Variants in BBX observed in about 807,000 individuals in gnomAD.
The protein encoded by BBX is BBX high mobility group box domain containing, also known as HMG box transcription factor BBX.
BBX carries 30 observed loss-of-function variants against 100.2 expected under a neutral mutation model. The observed-to-expected ratio is 0.30, with a 90% CI of 0.22 to 0.41. The LOEUF is 0.41. BBX is among the 10% of genes least tolerant of loss of function. The pLI is 1.00. For synonymous variants in BBX, 376 were observed against 388.1 expected, an observed-to-expected ratio of 0.97 and a Z score of 0.37; for missense variants, 1,023 against 1,129.8, an observed-to-expected ratio of 0.91 and a Z score of 1.35.
chr3:107,806,727 C>CTT lies in BBX; in HGVS notation c.*1270_*1271insTT, dbSNP rs2108079624. On this transcript the variant is annotated 3_prime_UTR_variant, in exon 18 of 18. Coordinates refer to ENST00000325805, the MANE Select transcript of BBX (RefSeq NM_001142568.3). Reference sequence around the variant, plus strand: ...AGAACATTCAACATATTGACTTAACCACCTGACATTCACAGTGTCTTGTTT... The same window carrying CTT: ...AGAACATTCAACATATTGACTTAACCTTACCTGACATTCACAGTGTCTTGTTT... 1 of 152,284 alleles carries CTT rather than the reference C, an allele frequency of 6.6e-6. No individual in the cohort carries two copies. The highest frequency in any genetic ancestry group is 1.9e-4 in the East Asian group (1 of 5,194). The allele number at this position is 152,284 out of a possible 1,614,324, so 9.4% of individuals were successfully genotyped here.
At chr3:107,712,802 C>T (rs1196698173) in intron 4 of BBX, among the ~76,000 whole-genome samples, 1 of 152,174 alleles carries the variant, frequency 6.6e-6, no homozygotes, top group Non-Finnish European at 1.5e-5. Flanking sequence ...GTGCTCACTG[C>T]TCTCTGTGCT....
intron 17 of BBX, 70 bp downstream of exon 17, chr3:107,801,351 C>T (rs941330888): frequency 2.0e-6 from 3 of 1,519,866 alleles, no homozygotes; most frequent in Non-Finnish European, 2.7e-6. Context: ...TGATTTGTGA[C>T]ATTTTTTACA....
At chr3:107,789,919 T>G in intron 14 of BBX, 43 bp downstream of exon 14, 1 of 1,422,204 alleles carries the variant, frequency 7.0e-7, no homozygotes, top group Non-Finnish European at 9.7e-7. Context: ...CTTGGTCACC[T>G]CCATTGTGAT....
chr3:107,788,884 C>T (rs1012622614), intron 13 of BBX, among the ~76,000 whole-genome samples: 8 of 152,152 alleles, frequency 5.3e-5, no homozygotes, highest in African/African-American at 1.9e-4. Context: ...AGAACTAAGG[C>T]AGTAACTGAT....
intron 2 of BBX, among the ~76,000 whole-genome samples, chr3:107,582,688 A>G (rs2052376433): frequency 6.6e-6 from 1 of 152,084 alleles, no homozygotes; most frequent in Non-Finnish European, 1.5e-5. Context: ...TGTTGTATTG[A>G]TGGGAATATA....
At chr3:107,730,336 AG>A in intron 6 of BBX, among the ~76,000 whole-genome samples, 1 of 152,128 alleles carries the variant, frequency 6.6e-6, no homozygotes, top group Non-Finnish European at 1.5e-5. Flanking sequence ...TATCAGTTGG[AG>A]TACTTTCTAA....
At chr3:107,535,389 C>CT (rs1167081743) in intron 2 of BBX, among the ~76,000 whole-genome samples, 1 of 151,906 alleles carries the variant, frequency 6.6e-6, no homozygotes, top group African/African-American at 2.4e-5. Context: ...TTGTCAAAGA[C>CT]TAAGCCTTTG....
At chr3:107,680,632 A>G (rs556094100) in intron 3 of BBX, among the ~76,000 whole-genome samples, 10 of 152,300 alleles carry the variant, frequency 6.6e-5, no homozygotes, top group African/African-American at 1.7e-4. Context: ...GTGTGATTCA[A>G]TTGAATTGCT....
chr3:107,603,792 A>G (rs879931130), intron 2 of BBX, among the ~76,000 whole-genome samples: 5 of 152,194 alleles, frequency 3.3e-5, no homozygotes, highest in African/African-American at 7.2e-5. Context: ...AGCAAAGGGT[A>G]TGACTCACTG....
At chr3:107,777,511 G>T (rs943221992) in intron 12 of BBX, among the ~76,000 whole-genome samples, 6 of 152,086 alleles carry the variant, frequency 3.9e-5, no homozygotes, top group African/African-American at 1.4e-4. Context: ...CACAGCAGTT[G>T]TCCTACAGCC....
At chr3:107,632,223 A>G (rs1576087657) in intron 2 of BBX, among the ~76,000 whole-genome samples, 1 of 151,246 alleles carries the variant, frequency 6.6e-6, no homozygotes, top group African/African-American at 2.4e-5. Context: ...GACTACAGGC[A>G]TGCACCACCA....
intron 13 of BBX, among the ~76,000 whole-genome samples, 176 bp from the exon 14 acceptor site, chr3:107,789,610 TA>T (rs1420360097): frequency 6.6e-6 from 1 of 152,148 alleles, no homozygotes; most frequent in African/African-American, 2.4e-5. Flanking sequence ...TGGGTTTAAA[TA>T]AGCCTAAAAA....
intron 3 of BBX, among the ~76,000 whole-genome samples, chr3:107,704,170 A>G (rs564732945): frequency 5.9e-5 from 9 of 152,214 alleles, no homozygotes; most frequent in Non-Finnish European, 1.2e-4. Flanking sequence ...TGAGGATTAA[A>G]TGAGAAGGTA....
At chr3:107,762,894 T>A (rs2066010160) in intron 10 of BBX, among the ~76,000 whole-genome samples, 2 of 152,082 alleles carry the variant, frequency 1.3e-5, no homozygotes. Context: ...TACTTTGAGT[T>A]CTGCCATGAC....
chr3:107,638,780 TACACACACACACACACACAC>T lies in BBX; in HGVS notation c.-83-7022_-83-7003del, dbSNP rs61081300. On this transcript the variant is annotated intron_variant, in intron 2 of 17. Coordinates refer to ENST00000325805, the MANE Select transcript of BBX (RefSeq NM_001142568.3). ...TACCAAAAAAAAAAAAAAAAAAGTA[TACACACACACACACACACAC>T]ACACACACACACACACACACACACA... Among the ~76,000 whole-genome samples, 935 of 99,884 alleles carry T rather than the reference TACACACACACACACACACAC, an allele frequency of 9.4e-3. 41 individuals carry two copies. Among genetic ancestry groups the T allele is most frequent in the African/African-American group, 0.028 (707 of 24,900 alleles). The allele number at this position is 99,884 out of a possible 152,430, so 65.5% of individuals were successfully genotyped here.
chr3:107,571,590 T>C (rs1378513089), intron 2 of BBX, among the ~76,000 whole-genome samples: 2 of 152,100 alleles, frequency 1.3e-5, no homozygotes, highest in Non-Finnish European at 2.9e-5. Flanking sequence ...TGGTGAGATA[T>C]TCCTTGGGCT....
intron 2 of BBX, among the ~76,000 whole-genome samples, chr3:107,536,900 G>T (rs2048533805): frequency 6.6e-6 from 1 of 152,166 alleles, no homozygotes; most frequent in African/African-American, 2.4e-5. Flanking sequence ...TGTTTTAATA[G>T]ATATGGTATG....
At chr3:107,706,126 G>A (rs368964760) in intron 3 of BBX, among the ~76,000 whole-genome samples, 6 of 150,440 alleles carry the variant, frequency 4.0e-5, no homozygotes, top group South Asian at 4.2e-4. Context: ...GGGTTCAAGC[G>A]ATTCTCCTGC....
chr3:107,640,294 T>C (rs2057110351), intron 2 of BBX, among the ~76,000 whole-genome samples: 1 of 152,172 alleles, frequency 6.6e-6, no homozygotes, highest in Non-Finnish European at 1.5e-5. Context: ...TTTGCCCACA[T>C]TTCATGTCCT....
Sources: allele counts gnomAD v4.1 joint callset (sites outside exome capture counted in the v4.1 genomes callset), GRCh38; gene constraint gnomAD v4.1.1; transcripts MANE v1.5; gene names NCBI Gene and HGNC (gene_info 2026-07-23, HGNC 2026-07-21).